ACVR2B: variants seen among roughly 807,000 people sequenced by gnomAD.
ACVR2B encodes the protein activin receptor type-2B.
In ACVR2B, 18 loss-of-function variants were observed where a neutral mutation model predicts 65.1. That is an observed-to-expected ratio of 0.28 (90% CI 0.19 to 0.41). ACVR2B has a LOEUF of 0.41. ACVR2B is among the 10% of genes least tolerant of loss of function. The probability of loss-of-function intolerance (pLI) is 1.00; values close to 1 mark genes in which losing one functional copy is unlikely to be tolerated. For missense variants in ACVR2B, 482 were observed against 682.7 expected, an observed-to-expected ratio of 0.71 and a Z score of 3.28; for synonymous variants, 298 against 277.7, an observed-to-expected ratio of 1.07 and a Z score of -0.73.
rs572840228 is a variant in ACVR2B at position 38,461,914 on chromosome 3, C to T, written c.52+7540C>T. Among the ~76,000 whole-genome samples the T allele has an allele frequency of 9.2e-5, 14 of 152,188 alleles. No individual in the cohort carries two copies. The South Asian group carries it at 2.3e-3, about 25-fold the overall frequency. On this transcript the variant is annotated intron_variant, in intron 1 of 10. Coordinates refer to ENST00000352511, the MANE Select transcript of ACVR2B (RefSeq NM_001106.4). ...TTATAGAAATAGAGAGGCTTTTGGC[C>T]GGGCGTGGTGGCTCATGCCTGTAAT...
intron 1 of ACVR2B, among the ~76,000 whole-genome samples, chr3:38,471,679 C>G (rs1413365934): frequency 1.2e-4 from 18 of 152,172 alleles, no homozygotes; most frequent in Admixed American, 1.2e-3. Context: ...ATATAAAGAA[C>G]ATGCACTCTA....
Position 38,478,243 on chromosome 3 carries a change from G to A in ACVR2B, c.473G>A (p.Trp158Ter). 6.2e-7 allele frequency: 1 copy of A among 1,614,098 alleles called. No individual in the cohort carries two copies. The highest frequency in any genetic ancestry group is 8.5e-7 in the Non-Finnish European group (1 of 1,180,012). Residue 158 changes from tryptophan (W) to a stop codon, truncating the protein, a stop_gained, in exon 4 of 11, where the codon TGG becomes TAG. Coordinates refer to ENST00000352511, the MANE Select transcript of ACVR2B (RefSeq NM_001106.4). LOFTEE classifies it high-confidence loss of function. ...GLSLIVLLAF[W>*]MYRHRKPPYG... ...TCCCTCATCGTCCTGCTGGCCTTTT[G>A]GATGTACCGGCATCGCAAGCCCCCC...
In ACVR2B at chr3:38,479,526, C is replaced by T. The variant is rs1709979458; in HGVS notation, c.811-152C>T. The T allele has an allele frequency of 3.2e-5, 34 of 1,065,076 alleles. No individual in the cohort carries two copies. In the South Asian group the frequency reaches 4.4e-4, roughly 14 times the overall value. 66.0% of individuals were successfully genotyped at this position (1,065,076 alleles called of 1,614,324 possible). A position where few individuals can be genotyped will look rare whatever the true frequency, so the allele number is the denominator to read the frequency against. Reference sequence around the variant, plus strand: ...GATTCCCACCCCTAGCCCTCCCTGCCTCCTGGCCTCATCCATCTTCCATAT... The same window carrying T: ...GATTCCCACCCCTAGCCCTCCCTGCTTCCTGGCCTCATCCATCTTCCATAT... On this transcript the variant is annotated intron_variant, in intron 6 of 10. Coordinates refer to ENST00000352511, the MANE Select transcript of ACVR2B (RefSeq NM_001106.4).
rs1368320770 is a variant in ACVR2B, at chr3:38,485,286, G to A, written c.*1954G>A. 1 of 152,226 alleles carries A rather than the reference G, an allele frequency of 6.6e-6. No individual in the cohort carries two copies. The highest frequency in any genetic ancestry group is 1.5e-5 in the Non-Finnish European group (1 of 68,044). The allele number at this position is 152,226 out of a possible 1,614,324, so 9.4% of individuals were successfully genotyped here. ...TGGTAGAAGGATGGCCCTTAGACCT[G>A]AATGGGGTGATTTTACTTGGGATTT... is the stretch of plus-strand genomic sequence containing the variant. On this transcript the variant is annotated 3_prime_UTR_variant, in exon 11 of 11. Transcript: ENST00000352511.
chr3:38,464,594 CAT>C (rs1292937915), intron 1 of ACVR2B, among the ~76,000 whole-genome samples: 1 of 152,062 alleles, frequency 6.6e-6, no homozygotes, highest in African/African-American at 2.4e-5. Context: ...TGTTTTTAGT[CAT>C]AGGGGCAACT....
rs1710072816 is a variant in ACVR2B, at chr3:38,484,128, G to A, written c.*796G>A. On this transcript the variant is annotated 3_prime_UTR_variant, in exon 11 of 11. Coordinates refer to ENST00000352511, the MANE Select transcript of ACVR2B (RefSeq NM_001106.4). ...GCATTAACAGCAAGAGCGGGGTTTGGAGAAAGTCTGAGATTGGGTGCAGCC... is the reference window on the plus strand; with the variant it reads ...GCATTAACAGCAAGAGCGGGGTTTGAAGAAAGTCTGAGATTGGGTGCAGCC... 1.3e-5 allele frequency: 2 copies of A among 152,628 alleles called. No homozygotes were observed. The allele number at this position is 152,628 out of a possible 1,614,324, so 9.5% of individuals were successfully genotyped here.
chr3:38,470,420 G>T (rs2125717725), intron 1 of ACVR2B, among the ~76,000 whole-genome samples: 1 of 152,320 alleles, frequency 6.6e-6, no homozygotes, highest in South Asian at 2.1e-4. Flanking sequence ...TTTTCAGAGA[G>T]CTGAGGTAAA....
intron 7 of ACVR2B, among the ~76,000 whole-genome samples, chr3:38,480,216 CA>C (rs1333078373): frequency 1.3e-5 from 2 of 152,174 alleles, no homozygotes; most frequent in African/African-American, 4.8e-5. Flanking sequence ...AGAGTGAGGA[CA>C]TCACATCTCA....
In ACVR2B at chr3:38,477,746, T is replaced by A. The variant is rs1709937345; in HGVS notation, c.261-115T>A. 2 of 1,175,886 alleles carry A rather than the reference T, an allele frequency of 1.7e-6. No homozygotes were observed. The highest frequency in any genetic ancestry group is 3.4e-5 in the Admixed American group (2 of 59,374). The allele number at this position is 1,175,886 out of a possible 1,614,324, so 72.8% of individuals were successfully genotyped here. ...CTGTAGGGGAGGTGAGTTCACACCG[T>A]CCCCCTGGTGTTGCCCATGAGGTGC... On this transcript the variant is annotated intron_variant, in intron 2 of 10. Transcript: ENST00000352511. This position sits in a 1 kb window ranked among gnomAD's most constrained non-coding sequence, Gnocchi z 6.7.
intron 1 of ACVR2B, among the ~76,000 whole-genome samples, chr3:38,472,182 C>T (rs950107008): frequency 6.6e-6 from 1 of 152,144 alleles, no homozygotes; most frequent in African/African-American, 2.4e-5. Flanking sequence ...ACCCCAGCTG[C>T]CCTTACTCTG....
In ACVR2B at chr3:38,481,383, G is replaced by A; in HGVS notation, c.992G>A (p.Ser331Asn). 1 of 1,614,216 alleles carries A rather than the reference G, an allele frequency of 6.2e-7. No individual in the cohort carries two copies. Among genetic ancestry groups the A allele is most frequent in the Non-Finnish European group, 8.5e-7 (1 of 1,180,036 alleles). ...DFKSKNVLLK[S>N]DLTAVLADFG... is the part of the protein sequence containing the mutation. ...AAAAGTAAGAATGTATTGCTGAAGAGCGACCTCACAGCCGTGCTGGCTGAC... is the reference window on the plus strand; with the variant it reads ...AAAAGTAAGAATGTATTGCTGAAGAACGACCTCACAGCCGTGCTGGCTGAC... The change falls in exon 8 of 11, where the codon AGC becomes AAC. Residue 331 changes from serine to asparagine, a missense_variant. Ser to Asn is a conservative substitution (Grantham distance 46). Transcript: ENST00000352511. The surrounding 1 kb of genome is among the most constrained non-coding windows in gnomAD (Gnocchi z 4.7).
chr3:38,463,203 G>A (rs1362773942), intron 1 of ACVR2B, among the ~76,000 whole-genome samples: 1 of 152,210 alleles, frequency 6.6e-6, no homozygotes, highest in Non-Finnish European at 1.5e-5. Context: ...TGGGATGGAA[G>A]TGCATATGTA....
At position 38,478,437 on chromosome 3, in the gene ACVR2B, C is replaced by G. The variant is rs964039483; in HGVS notation, c.585C>G (p.Ile195Met). The change falls in exon 5 of 11, where the codon ATC becomes ATG. Residue 195 changes from isoleucine to methionine, a missense_variant. Ile to Met is a conservative substitution (Grantham distance 10). Coordinates refer to ENST00000352511, the MANE Select transcript of ACVR2B (RefSeq NM_001106.4). ...TGAAGCCACTGCAGCTGCTGGAGAT[C>G]AAGGCTCGGGGGCGCTTTGGCTGTG... ...VGLKPLQLLE[I>M]KARGRFGCVW... 1.9e-6 allele frequency: 3 copies of G among 1,614,148 alleles called. No individual in the cohort carries two copies. The highest frequency in any genetic ancestry group is 2.2e-5 in the East Asian group (1 of 44,876).
rs144411867 is a variant in ACVR2B at position 38,475,996 on chromosome 3, A to G, written c.53-1291A>G. On this transcript the variant is annotated intron_variant, in intron 1 of 10. Coordinates refer to ENST00000352511, the MANE Select transcript of ACVR2B (RefSeq NM_001106.4). ...GGATGGCTGGATGCTTGGTGCAACTATCCTCTCGGGTGTCTGTGTGGGGTT... is the reference window on the plus strand; with the variant it reads ...GGATGGCTGGATGCTTGGTGCAACTGTCCTCTCGGGTGTCTGTGTGGGGTT... The G allele has an allele frequency of 8.5e-3, 1,294 of 152,322 alleles. 20 individuals carry two copies. Among genetic ancestry groups the G allele is most frequent in the African/African-American group, 0.029 (1,211 of 41,494 alleles). 9.4% of individuals were successfully genotyped at this position (152,322 alleles called of 1,614,324 possible). A position where few individuals can be genotyped will look rare whatever the true frequency, so the allele number is the denominator to read the frequency against.
intron 1 of ACVR2B, among the ~76,000 whole-genome samples, chr3:38,462,512 C>G (rs1709665699): frequency 1.3e-5 from 2 of 152,192 alleles, no homozygotes; most frequent in African/African-American, 4.8e-5. Context: ...TCATCTGTTT[C>G]TGTGCTTCAT....
rs1710109720 is a variant in ACVR2B at position 38,485,749 on chromosome 3, C to CA, written c.*2421dup. 7.4e-6 allele frequency: 1 copy of CA among 135,674 alleles called. No homozygotes were observed. The highest frequency in any genetic ancestry group is 2.2e-4 in the East Asian group (1 of 4,492). The allele number at this position is 135,674 out of a possible 1,614,324, so 8.4% of individuals were successfully genotyped here. On this transcript the variant is annotated 3_prime_UTR_variant, in exon 11 of 11. Transcript: ENST00000352511. ...TTTCCCTTAGAATAATTTTTAATGG[C>CA]AAAACAGGCCTTACAGCAGTTGCTT...
At chr3:38,463,586 C>T (rs562246625) in intron 1 of ACVR2B, among the ~76,000 whole-genome samples, 4 of 152,296 alleles carry the variant, frequency 2.6e-5, no homozygotes, top group African/African-American at 9.6e-5. Flanking sequence ...TCTTGTTCTT[C>T]AGCTTGCTGC....
rs1488653895 is a variant in ACVR2B at position 38,477,837 on chromosome 3, A to G, written c.261-24A>G. 6 of 1,608,038 alleles carry G rather than the reference A, an allele frequency of 3.7e-6. No individual in the cohort carries two copies. In the East Asian group the frequency reaches 8.9e-5, roughly 24 times the overall value. On this transcript the variant is annotated intron_variant, in intron 2 of 10. Coordinates refer to ENST00000352511, the MANE Select transcript of ACVR2B (RefSeq NM_001106.4). The surrounding 1 kb of genome is among the most constrained non-coding windows in gnomAD (Gnocchi z 6.7). ...GTCTTGCATCCCCCAGGTGAGGGGT[A>G]TATGGAAAATTCTGTGCCTCCAGGC...
rs1221919987 is a variant in ACVR2B at position 38,484,696 on chromosome 3, T to C, written c.*1364T>C. ...CAAACAAAACACACACATCCACATA[T>C]ACACATGCTTCGCTATGTGGCTTCC... On this transcript the variant is annotated 3_prime_UTR_variant, in exon 11 of 11. Coordinates refer to ENST00000352511, the MANE Select transcript of ACVR2B (RefSeq NM_001106.4). The C allele has an allele frequency of 6.6e-6, 1 of 152,634 alleles. No individual in the cohort carries two copies. Among genetic ancestry groups the C allele is most frequent in the African/African-American group, 2.4e-5 (1 of 41,468 alleles). 9.5% of individuals were successfully genotyped at this position (152,634 alleles called of 1,614,324 possible).
Sources: gnomAD v4.1 joint callset for allele counts (sites outside exome capture counted in the v4.1 genomes callset) on GRCh38, gnomAD v4.1.1 for gene constraint, Gnocchi (gnomAD v3.1) non-coding constraint, MANE v1.5 for transcripts, NCBI Gene and HGNC (gene_info 2026-07-23, HGNC 2026-07-21) for gene names.